Variants in SUGCT observed in about 807,000 individuals in gnomAD.
The protein encoded by SUGCT is succinyl-CoA:glutarate-CoA transferase.
A neutral mutation model predicts 55.0 loss-of-function variants in SUGCT; 41 were observed. The ratio of observed to expected loss-of-function variants is 0.74; its 90% CI spans 0.58 to 0.97. The LOEUF (loss-of-function observed/expected upper bound fraction) is 0.97. Ranked by LOEUF, SUGCT falls within the 50% of genes least tolerant of loss-of-function variation. The probability of loss-of-function intolerance (pLI) is 0.00; values close to 1 mark genes in which losing one functional copy is unlikely to be tolerated. For missense variants in SUGCT, 568 were observed against 547.8 expected (o/e 1.04, Z -0.37); for synonymous variants, 187 against 200.4 (o/e 0.93, Z 0.56).
chr7:40,502,379 G>C (rs1792332174), intron 12 of SUGCT, among the ~76,000 whole-genome samples: 1 of 152,040 alleles, frequency 6.6e-6, no homozygotes, highest in East Asian at 1.9e-4. Flanking sequence ...AGAGTAATTA[G>C]TACCAGCTAA....
At chr7:40,258,513 G>A (rs1790979453) in intron 7 of SUGCT, among the ~76,000 whole-genome samples, 4 of 152,098 alleles carry the variant, frequency 2.6e-5, no homozygotes, top group Non-Finnish European at 4.4e-5. Context: ...TGAGTAGCTG[G>A]GATTACAGGA....
the SUGCT span, among the ~76,000 whole-genome samples, chr7:40,976,278 A>G: frequency 6.6e-6 from 1 of 152,212 alleles, no homozygotes; most frequent in African/African-American, 2.4e-5. Flanking sequence ...ACCTTGGAGA[A>G]CAGAGCTCTT....
chr7:40,380,006 C>G (rs1784792422), intron 9 of SUGCT, among the ~76,000 whole-genome samples: 3 of 152,164 alleles, frequency 2.0e-5, no homozygotes, highest in Admixed American at 2.0e-4. Flanking sequence ...AGATGTTAGA[C>G]AATTGGCAAA....
chr7:40,395,637 T>C (rs1243344896), intron 9 of SUGCT, among the ~76,000 whole-genome samples: 8 of 151,906 alleles, frequency 5.3e-5, no homozygotes, highest in Admixed American at 5.3e-4. Context: ...CTTTAAGCCA[T>C]ATTCCCCCAT....
chr7:40,424,288 G>A (rs1309800537), intron 9 of SUGCT, among the ~76,000 whole-genome samples: 1 of 152,154 alleles, frequency 6.6e-6, no homozygotes, highest in Non-Finnish European at 1.5e-5. Flanking sequence ...CAAAAGTATT[G>A]GAGTATGTCA....
the SUGCT span, among the ~76,000 whole-genome samples, chr7:40,981,567 C>T: frequency 6.6e-6 from 1 of 152,216 alleles, no homozygotes; most frequent in African/African-American, 2.4e-5. Flanking sequence ...AATTCTGGTT[C>T]TTTCTTGCTT....
At chr7:40,374,293 AT>A (rs1562725617) in intron 9 of SUGCT, among the ~76,000 whole-genome samples, 1 of 152,112 alleles carries the variant, frequency 6.6e-6, no homozygotes, top group Non-Finnish European at 1.5e-5. Flanking sequence ...TTCTGTTTTG[AT>A]CTTCAAAATG....
At chr7:40,152,701 G>T in intron 1 of SUGCT, 1 of 162,678 alleles carries the variant, frequency 6.1e-6, no homozygotes. Context: ...GAAAATTAAG[G>T]TGTTTTTTTT....
chr7:40,442,877 C>CATGGGG (rs1562780524), intron 9 of SUGCT, among the ~76,000 whole-genome samples: 1 of 152,126 alleles, frequency 6.6e-6, no homozygotes, highest in East Asian at 1.9e-4. Context: ...CCCCCTTCCC[C>CATGGGG]CCACACCATG....
chr7:40,566,331 T>G (rs1796152807), intron 12 of SUGCT, among the ~76,000 whole-genome samples: 1 of 152,246 alleles, frequency 6.6e-6, no homozygotes, highest in Non-Finnish European at 1.5e-5. Flanking sequence ...GTCGTGACTC[T>G]GGTATGGCTC....
intron 1 of SUGCT, among the ~76,000 whole-genome samples, chr7:40,146,411 ATATAGAGT>A (rs1257975820): frequency 6.6e-6 from 1 of 152,204 alleles, no homozygotes; most frequent in Non-Finnish European, 1.5e-5. Flanking sequence ...ACACGCAGAA[ATATAGAGT>A]GTGGAGTGGG....
At chr7:40,184,003 C>G (rs1341912014) in intron 3 of SUGCT, among the ~76,000 whole-genome samples, 1 of 152,208 alleles carries the variant, frequency 6.6e-6, no homozygotes, top group East Asian at 1.9e-4. Context: ...GTGAAACCCC[C>G]TTCTCTACTA....
At chr7:40,787,536 A>G (rs1424705739) in intron 13 of SUGCT, among the ~76,000 whole-genome samples, 2 of 152,062 alleles carry the variant, frequency 1.3e-5, no homozygotes, top group Non-Finnish European at 2.9e-5. Context: ...CAGAGAGAAG[A>G]AGGCAAACCA....
At chr7:40,267,611 AGT>A (rs1791683784) in intron 7 of SUGCT, among the ~76,000 whole-genome samples, 1 of 152,208 alleles carries the variant, frequency 6.6e-6, no homozygotes, top group Non-Finnish European at 1.5e-5. Flanking sequence ...GACATTGTTT[AGT>A]ACTGCTATAG....
At chr7:40,930,990 G>C in the SUGCT span, among the ~76,000 whole-genome samples, 1 of 152,182 alleles carries the variant, frequency 6.6e-6, no homozygotes, top group Admixed American at 6.5e-5. Context: ...GGGCATCCCT[G>C]TCTTGTGCCA....
chr7:40,657,961 A>G (rs1194485068), intron 12 of SUGCT, among the ~76,000 whole-genome samples: 1 of 152,198 alleles, frequency 6.6e-6, no homozygotes, highest in Non-Finnish European at 1.5e-5. Context: ...TCAGACACCA[A>G]ATCTAGTGAT....
intron 8 of SUGCT, among the ~76,000 whole-genome samples, chr7:40,296,623 G>A (rs1794167163): frequency 5.2e-5 from 1 of 19,266 alleles, no homozygotes; most frequent in Non-Finnish European, 2.0e-4. Context: ...GTGTGTGTGT[G>A]TGTGTGTGTG....
intron 11 of SUGCT, among the ~76,000 whole-genome samples, chr7:40,477,174 T>G (rs1790743009): frequency 6.6e-6 from 1 of 152,208 alleles, no homozygotes; most frequent in African/African-American, 2.4e-5. Context: ...TATTGGATTT[T>G]ATTATCATAT....
At chr7:40,547,742 T>C (rs1394687397) in intron 12 of SUGCT, among the ~76,000 whole-genome samples, 1 of 152,176 alleles carries the variant, frequency 6.6e-6, no homozygotes, top group Non-Finnish European at 1.5e-5. Flanking sequence ...ATGTGTAGTT[T>C]TATAAAATAT....
Sources: allele counts gnomAD v4.1 joint callset (sites outside exome capture counted in the v4.1 genomes callset), GRCh38; gene constraint gnomAD v4.1.1; transcripts MANE v1.5; gene names NCBI Gene and HGNC (gene_info 2026-07-23, HGNC 2026-07-21).